Variants in ORC5 observed in about 807,000 individuals in gnomAD.
ORC5 encodes the protein protein phosphatase 1, regulatory subunit 117.
Under a neutral mutation model 58.8 loss-of-function variants are expected in ORC5, and 39 were observed. The ratio of observed to expected loss-of-function variants is 0.66; its 90% confidence interval spans 0.51 to 0.87. ORC5 has a LOEUF of 0.87. Among genes scored for constraint, ORC5 ranks in the 40% least tolerant of loss-of-function variants. ORC5 has a pLI of 0.00. For missense variants in ORC5, 493 were observed against 506.3 expected (o/e 0.97, Z 0.25); for synonymous variants, 218 against 177.6 (o/e 1.23, Z -1.81).
At position 104,200,761 on chromosome 7, in the gene ORC5, A is replaced by G. The variant is rs1799919352; in HGVS notation, c.363T>C (p.Tyr121=). The G allele has an allele frequency of 1.3e-6, 2 of 1,553,514 alleles. No homozygotes were observed. Among genetic ancestry groups the G allele is most frequent in the Non-Finnish European group, 1.8e-6 (2 of 1,126,716 alleles). ...CTAATCAAATGAAATTACTTACAATATATACAGTCTGATCTTTAAGATTTT... is the reference window on the plus strand; with the variant it reads ...CTAATCAAATGAAATTACTTACAATGTATACAGTCTGATCTTTAAGATTTT... The part of the protein sequence containing the change: ...TAENLKDQTV[Y]IVLDKAEYLR... The change falls in exon 3 of 14, where the codon TAT becomes TAC. Residue 121 remains tyrosine (Y), a synonymous_variant. Transcript: ENST00000297431.
chr7:104,161,022 T>A (rs1401341002), intron 12 of ORC5, 50 bp downstream of exon 12: 1 of 1,002,194 alleles, frequency 1.0e-6, no homozygotes, highest in East Asian at 2.4e-5. Flanking sequence ...GACTCTACTA[T>A]CTGAAGAATC....
rs770591184 is a variant in ORC5, at chr7:104,204,144, C to G, written c.163G>C (p.Glu55Gln). The change falls in exon 2 of 14, where the codon GAG (glutamate) becomes CAG (glutamine). Residue 55 changes from glutamate (E) to glutamine (Q), a missense_variant and splice_region_variant. By Grantham distance (29) the Glu-to-Gln change is conservative. Around this residue, in one of 3 missense-constraint regions of ORC5, gnomAD observed 412 missense variants for 403.7 expected, o/e 1.02. Coordinates refer to ENST00000297431, the MANE Select transcript of ORC5 (RefSeq NM_002553.4). ...YVTQTLLKTL[E>Q]LPHVFVNCVE... The stretch of plus-strand genomic sequence containing the variant: ...ATATTTAATATTTTTATTCTTACCT[C>G]TAAAGTTTTCAACAACGTTTGTGTT... The G allele has an allele frequency of 2.9e-5, 44 of 1,519,422 alleles. No individual in the cohort carries two copies. The South Asian group carries it at 5.3e-4, about 18-fold the overall frequency. The allele number at this position is 1,519,422 out of a possible 1,614,324, so 94.1% of individuals were successfully genotyped here. A position where few individuals can be genotyped will look rare whatever the true frequency, so the allele number is the denominator to read the frequency against.
rs1249586086 is a variant in ORC5 at position 104,133,311 on chromosome 7, TAAC to T, written c.1262+3467_1262+3469del. Among the ~76,000 whole-genome samples the T allele has an allele frequency of 1.3e-5, 2 of 152,256 alleles. No homozygotes were observed. The highest frequency in any genetic ancestry group is 3.9e-4 in the East Asian group (2 of 5,178). On this transcript the variant is annotated intron_variant, in intron 13 of 13. Transcript: ENST00000297431. The surrounding 1 kb of genome is among the most constrained non-coding windows in gnomAD (Gnocchi z 4.7). ...ATCTAGAGTGGTAAAAGTATCATGA[TAAC>T]AAGTGAATGAAATTGAGACAAATAA... is the stretch of plus-strand genomic sequence containing the variant.
chr7:104,155,082 C>A (rs1054268110), intron 12 of ORC5, among the ~76,000 whole-genome samples: 2 of 151,638 alleles, frequency 1.3e-5, no homozygotes, highest in Non-Finnish European at 3.0e-5. Context: ...AAAACAACAC[C>A]TAAATGAGTA....
chr7:104,155,776 G>C (rs1798916240), intron 12 of ORC5, among the ~76,000 whole-genome samples: 1 of 151,390 alleles, frequency 6.6e-6, no homozygotes, highest in Non-Finnish European at 1.5e-5. Context: ...CTATTGCTCT[G>C]ACCTAACTAC....
At chr7:104,189,073 T>G (rs766684178) in intron 5 of ORC5, among the ~76,000 whole-genome samples, 1 of 152,142 alleles carries the variant, frequency 6.6e-6, no homozygotes, top group Non-Finnish European at 1.5e-5. Flanking sequence ...AGTGTGAGAA[T>G]GGACTAATAC....
At chr7:104,147,880 T>C (rs886465680) in intron 12 of ORC5, among the ~76,000 whole-genome samples, 3 of 152,104 alleles carry the variant, frequency 2.0e-5, no homozygotes, top group African/African-American at 7.3e-5. Context: ...AACACCAGTA[T>C]GAGCCTATGT....
At chr7:104,162,264 C>T (rs982201008) in intron 11 of ORC5, among the ~76,000 whole-genome samples, 8 of 152,188 alleles carry the variant, frequency 5.3e-5, no homozygotes, top group Admixed American at 4.6e-4. Flanking sequence ...ACTCCACCTC[C>T]CAGGTTCAAG....
At chr7:104,190,163 T>G (rs981625282) in intron 5 of ORC5, among the ~76,000 whole-genome samples, 17 of 151,956 alleles carry the variant, frequency 1.1e-4, no homozygotes, top group Non-Finnish European at 2.2e-4. Flanking sequence ...AAAAAAAAAT[T>G]ATTAAATACT....
intron 5 of ORC5, among the ~76,000 whole-genome samples, chr7:104,194,795 A>T (rs1333642437): frequency 6.6e-6 from 1 of 152,158 alleles, no homozygotes; most frequent in Non-Finnish European, 1.5e-5. Context: ...AAGATACATT[A>T]GCACAAATAT....
chr7:104,172,759 C>T (rs1480986191), intron 8 of ORC5, among the ~76,000 whole-genome samples: 3 of 152,200 alleles, frequency 2.0e-5, no homozygotes, highest in Admixed American at 2.0e-4. Context: ...TCACATACGG[C>T]AGACAATGGC....
intron 12 of ORC5, among the ~76,000 whole-genome samples, chr7:104,147,443 G>A (rs1298583112): frequency 6.6e-6 from 1 of 151,322 alleles, no homozygotes; most frequent in East Asian, 1.9e-4. Flanking sequence ...TTTGTTTTGG[G>A]GCTATAAAAG....
intron 3 of ORC5, 62 bp from the exon 4 acceptor site, chr7:104,197,861 A>G: frequency 9.5e-7 from 1 of 1,057,006 alleles, no homozygotes; most frequent in Non-Finnish European, 1.4e-6. Flanking sequence ...ACAAAATGAC[A>G]TGATTTGACT....
rs116433467 is a variant in ORC5, at chr7:104,193,753, C to T, written c.553+1390G>A. Among the ~76,000 whole-genome samples the T allele has an allele frequency of 6.0e-3, 906 of 150,996 alleles. 7 individuals are homozygous for T. The highest frequency in any genetic ancestry group is 0.021 in the African/African-American group (858 of 41,292). ...AAAACAAAACTGAATATGTAAAACC[C>T]CCTAAAATTTAATAATCAGAATTTA... On this transcript the variant is annotated intron_variant, in intron 5 of 13. Coordinates refer to ENST00000297431, the MANE Select transcript of ORC5 (RefSeq NM_002553.4).
At chr7:104,183,094 C>T (rs1229935868) in intron 8 of ORC5, among the ~76,000 whole-genome samples, 1 of 152,208 alleles carries the variant, frequency 6.6e-6, no homozygotes, top group African/African-American at 2.4e-5. Context: ...AAGATTGCGC[C>T]ATTGCACTCC....
At chr7:104,194,851 TCA>T (rs2116049990) in intron 5 of ORC5, among the ~76,000 whole-genome samples, 1 of 151,912 alleles carries the variant, frequency 6.6e-6, no homozygotes, top group African/African-American at 2.4e-5. Context: ...CAATAACCTC[TCA>T]CAGTTCCAAA....
chr7:104,194,751 A>G (rs1562828083), intron 5 of ORC5, among the ~76,000 whole-genome samples: 1 of 152,152 alleles, frequency 6.6e-6, no homozygotes, highest in South Asian at 2.1e-4. Flanking sequence ...ATCACAATAT[A>G]AATATACATC....
At chr7:104,178,597 G>T (rs1799370327) in intron 8 of ORC5, among the ~76,000 whole-genome samples, 2 of 152,046 alleles carry the variant, frequency 1.3e-5, no homozygotes, top group Non-Finnish European at 2.9e-5. Context: ...GGCTTTTGTT[G>T]CAATTGCTTT....
At chr7:104,182,781 A>G (rs149024781) in intron 8 of ORC5, among the ~76,000 whole-genome samples, 1 of 152,302 alleles carries the variant, frequency 6.6e-6, no homozygotes, top group African/African-American at 2.4e-5. Context: ...TGAGATTGTC[A>G]TATTACTATA....
Sources: allele counts gnomAD v4.1 joint callset (sites outside exome capture counted in the v4.1 genomes callset), GRCh38; gene constraint gnomAD v4.1.1; regional missense constraint gnomAD v4.1.1; non-coding constraint Gnocchi (gnomAD v3.1); transcripts MANE v1.5; gene names NCBI Gene and HGNC (gene_info 2026-07-23, HGNC 2026-07-21).